The following BFSP2 variants were observed in gnomAD, a reference collection of about 807,000 sequenced individuals.
BFSP2 encodes the protein phakinin.
Under a neutral mutation model 44.9 loss-of-function variants are expected in BFSP2, and 38 were observed. The observed-to-expected ratio is 0.85, with a 90% CI of 0.65 to 1.11. The LOEUF (loss-of-function observed/expected upper bound fraction) is 1.11. Ranked by LOEUF, BFSP2 falls within the 50% of genes least tolerant of loss-of-function variation. The probability of loss-of-function intolerance (pLI) is 0.00; values close to 1 mark genes in which losing one functional copy is unlikely to be tolerated. For synonymous variants in BFSP2, 197 were observed against 209.9 expected (o/e 0.94, Z 0.53); for missense variants, 525 against 533.0 (o/e 0.99, Z 0.15).
chr3:133,400,622 G>A lies in BFSP2; in HGVS notation c.489+50G>A, dbSNP rs1177310510. On this transcript the variant is annotated intron_variant, in intron 1 of 6. Coordinates refer to ENST00000302334, the MANE Select transcript of BFSP2 (RefSeq NM_003571.4). The surrounding 1 kb of genome is among the most constrained non-coding windows in gnomAD (Gnocchi z 4.0). ...GCTTTGCAGAGGGCTGGGAGGGGCT[G>A]CTGAAGGCAGCGGGTAGGGTTGTGA... 3 of 1,555,300 alleles carry A rather than the reference G, an allele frequency of 1.9e-6. No individual in the cohort carries two copies. The highest frequency in any genetic ancestry group is 1.2e-5 in the South Asian group (1 of 84,698).
intron 1 of BFSP2, chr3:133,404,716 G>T (rs539951208): frequency 6.6e-6 from 1 of 152,176 alleles, no homozygotes; most frequent in Non-Finnish European, 1.5e-5. Context: ...AACTTAAATC[G>T]CACTTTGTTC....
chr3:133,467,393 C>T (rs2074122679), intron 5 of BFSP2, among the ~76,000 whole-genome samples: 1 of 152,196 alleles, frequency 6.6e-6, no homozygotes, highest in Non-Finnish European at 1.5e-5. Context: ...ATAGAGCTCT[C>T]CATAGGACCA....
intron 5 of BFSP2, among the ~76,000 whole-genome samples, chr3:133,469,972 G>C (rs1236306636): frequency 6.6e-6 from 1 of 152,218 alleles, no homozygotes; most frequent in Non-Finnish European, 1.5e-5. Flanking sequence ...CCAAATCACA[G>C]ATGTTACAAA....
intron 3 of BFSP2, 164 bp downstream of exon 3, chr3:133,448,809 G>C: frequency 2.1e-6 from 2 of 932,998 alleles, no homozygotes; most frequent in East Asian, 5.4e-5. Context: ...TCCTTGAAGT[G>C]GGTCAGGTTA....
intron 1 of BFSP2, among the ~76,000 whole-genome samples, chr3:133,412,935 A>T (rs1475214620): frequency 6.6e-6 from 1 of 152,214 alleles, no homozygotes; most frequent in Non-Finnish European, 1.5e-5. Context: ...GAGAACCAGG[A>T]TGCTGGTTAG....
intron 1 of BFSP2, among the ~76,000 whole-genome samples, chr3:133,421,799 T>C (rs1465603122): frequency 6.6e-6 from 1 of 152,180 alleles, no homozygotes; most frequent in Non-Finnish European, 1.5e-5. Context: ...TCTCTTCCTT[T>C]TGTACTTGAA....
At chr3:133,413,793 C>G (rs1376736531) in intron 1 of BFSP2, among the ~76,000 whole-genome samples, 1 of 151,988 alleles carries the variant, frequency 6.6e-6, no homozygotes, top group Non-Finnish European at 1.5e-5. Context: ...CTGACCACCA[C>G]TGGAAAACAA....
At chr3:133,469,322 T>C (rs1010867787) in intron 5 of BFSP2, among the ~76,000 whole-genome samples, 6 of 152,260 alleles carry the variant, frequency 3.9e-5, no homozygotes, top group African/African-American at 1.4e-4. Context: ...ATTCCTGTTA[T>C]TCTGTCAGAG....
At chr3:133,431,584 G>C (rs2073718785) in intron 1 of BFSP2, among the ~76,000 whole-genome samples, 1 of 152,178 alleles carries the variant, frequency 6.6e-6, no homozygotes, top group Non-Finnish European at 1.5e-5. Flanking sequence ...TCTTGGCTTA[G>C]CGGCTGAAGA....
chr3:133,417,458 C>T (rs1362891888), intron 1 of BFSP2, among the ~76,000 whole-genome samples: 1 of 124,808 alleles, frequency 8.0e-6, no homozygotes, highest in African/African-American at 3.1e-5. Flanking sequence ...CTCCTCTCTA[C>T]TCACCCCTAC....
chr3:133,441,192 C>T (rs1001680661), intron 1 of BFSP2, among the ~76,000 whole-genome samples: 1 of 151,970 alleles, frequency 6.6e-6, no homozygotes, highest in Non-Finnish European at 1.5e-5. Context: ...GGCACACCCA[C>T]GCCGGGCTAA....
intron 4 of BFSP2, among the ~76,000 whole-genome samples, chr3:133,464,027 C>T (rs564826959): frequency 2.6e-5 from 4 of 152,182 alleles, no homozygotes; most frequent in Non-Finnish European, 5.9e-5. Context: ...CTCACTACTG[C>T]TCCCCGCCAC....
At chr3:133,451,190 G>T (rs1360566852) in intron 4 of BFSP2, among the ~76,000 whole-genome samples, 1 of 151,128 alleles carries the variant, frequency 6.6e-6, no homozygotes, top group Non-Finnish European at 1.5e-5. Context: ...TTATAAGAGT[G>T]AAAAAAACAT....
chr3:133,429,913 A>G (rs2073693711), intron 1 of BFSP2, among the ~76,000 whole-genome samples: 1 of 149,654 alleles, frequency 6.7e-6, no homozygotes, highest in South Asian at 2.1e-4. Flanking sequence ...CACTACCCCC[A>G]CCCCACAACA....
intron 1 of BFSP2, among the ~76,000 whole-genome samples, chr3:133,424,569 C>T (rs2073626499): frequency 6.6e-6 from 1 of 152,156 alleles, no homozygotes; most frequent in Non-Finnish European, 1.5e-5. Context: ...GGAGAGTTAT[C>T]ATTCCACCTG....
chr3:133,439,257 A>G (rs751348634), intron 1 of BFSP2, among the ~76,000 whole-genome samples: 1 of 152,242 alleles, frequency 6.6e-6, no homozygotes, highest in African/African-American at 2.4e-5. Context: ...TCTGCTTCTC[A>G]GGCATCTTAT....
At chr3:133,433,560 G>T (rs573286425) in intron 1 of BFSP2, among the ~76,000 whole-genome samples, 1 of 152,162 alleles carries the variant, frequency 6.6e-6, no homozygotes, top group Non-Finnish European at 1.5e-5. Context: ...CTTAGTCTAG[G>T]TAGACACTTT....
intron 6 of BFSP2, among the ~76,000 whole-genome samples, 157 bp downstream of exon 6, chr3:133,472,722 T>G (rs2074176560): frequency 6.6e-6 from 1 of 152,212 alleles, no homozygotes; most frequent in African/African-American, 2.4e-5. Flanking sequence ...GTCCTTCCTT[T>G]CCTATTCACA....
intron 1 of BFSP2, among the ~76,000 whole-genome samples, chr3:133,433,041 C>T (rs1196148069): frequency 6.6e-6 from 1 of 152,198 alleles, no homozygotes; most frequent in East Asian, 1.9e-4. Context: ...CTTCCTCATA[C>T]CTGACACATA....
Sources: gnomAD v4.1 joint callset for allele counts (sites outside exome capture counted in the v4.1 genomes callset) on GRCh38, gnomAD v4.1.1 for gene constraint, Gnocchi (gnomAD v3.1) non-coding constraint, MANE v1.5 for transcripts, NCBI Gene and HGNC (gene_info 2026-07-23, HGNC 2026-07-21) for gene names.